Variants in ATP2B2 observed in about 807,000 individuals in gnomAD.
ATP2B2 encodes the protein plasma membrane calcium-transporting ATPase 2.
Under a neutral mutation model 120.0 loss-of-function variants are expected in ATP2B2, and 15 were observed. That is an observed-to-expected ratio of 0.12 (90% CI 0.08 to 0.19). The LOEUF (loss-of-function observed/expected upper bound fraction) is 0.19. Ranked by LOEUF, ATP2B2 falls within the 10% of genes least tolerant of loss-of-function variation. The pLI, the probability that ATP2B2 is intolerant of heterozygous loss-of-function variation, is 1.00. For synonymous variants in ATP2B2, 694 were observed against 700.3 expected, an observed-to-expected ratio of 0.99 and a Z score of 0.14; for missense variants, 1,045 against 1,719.8, an observed-to-expected ratio of 0.61 and a Z score of 6.94.
chr3:10,443,884 T>G (rs1038399623), intron 2 of ATP2B2, among the ~76,000 whole-genome samples: 1 of 152,166 alleles, frequency 6.6e-6, no homozygotes, highest in Non-Finnish European at 1.5e-5. Flanking sequence ...ACAGTTCTCA[T>G]TTCACAGATG....
chr3:10,550,870 A>C (rs2067653317), intron 2 of ATP2B2, among the ~76,000 whole-genome samples: 1 of 152,200 alleles, frequency 6.6e-6, no homozygotes, highest in Admixed American at 6.5e-5. Flanking sequence ...GCTGTTATGC[A>C]CGGTCGCCAA....
chr3:10,357,141 A>G (rs1371340299), intron 14 of ATP2B2, among the ~76,000 whole-genome samples: 1 of 152,172 alleles, frequency 6.6e-6, no homozygotes, highest in Non-Finnish European at 1.5e-5. Context: ...GGGTAATGAA[A>G]TCTACTGAAG....
At chr3:10,555,249 C>A (rs1008986270) in intron 2 of ATP2B2, among the ~76,000 whole-genome samples, 3 of 152,266 alleles carry the variant, frequency 2.0e-5, no homozygotes, top group Non-Finnish European at 4.4e-5. Context: ...TGTTTCACAG[C>A]AACTGGCTGT....
Position 10,692,417 on chromosome 3 carries a change from A to C in ATP2B2, c.-460+15498T>G, listed in dbSNP as rs2596848. ...AGACTTTTTCTGCAGCAGGGTAATAAATGTTCACAGGGACCCGACAGGAGA... is the reference window on the plus strand; with the variant it reads ...AGACTTTTTCTGCAGCAGGGTAATACATGTTCACAGGGACCCGACAGGAGA... On this transcript the variant is annotated intron_variant, in intron 1 of 21. Transcript: ENST00000646379. Among the ~76,000 whole-genome samples, 906 of 152,300 alleles carry C rather than the reference A, an allele frequency of 5.9e-3. 7 individuals are homozygous for C. The highest frequency in any genetic ancestry group is 0.021 in the African/African-American group (875 of 41,556).
At chr3:10,693,427 A>G (rs1444162218) in intron 1 of ATP2B2, among the ~76,000 whole-genome samples, 2 of 152,234 alleles carry the variant, frequency 1.3e-5, no homozygotes, top group Non-Finnish European at 2.9e-5. Context: ...ACTGCAAGGA[A>G]CAAAAAAGAC....
chr3:10,603,707 G>T (rs927330594), intron 2 of ATP2B2, among the ~76,000 whole-genome samples: 2 of 152,102 alleles, frequency 1.3e-5, no homozygotes, highest in African/African-American at 4.8e-5. Flanking sequence ...AGATCACGGG[G>T]GTAGGGCTAA....
In ATP2B2 at chr3:10,324,286, G is replaced by A. The variant is rs2059827426; in HGVS notation, c.*4528C>T. 1 of 152,050 alleles carries A rather than the reference G, an allele frequency of 6.6e-6. No individual in the cohort carries two copies. The highest frequency in any genetic ancestry group is 1.5e-5 in the Non-Finnish European group (1 of 68,024). The allele number at this position is 152,050 out of a possible 1,614,324, so 9.4% of individuals were successfully genotyped here. A position where few individuals can be genotyped will look rare whatever the true frequency, so the allele number is the denominator to read the frequency against. Reference sequence around the variant, plus strand: ...GTTAGCAAAGTGTGGTGACCCCCGAGAGGAAAGGTCCAGGAGGGAGAGCAC... The same window carrying A: ...GTTAGCAAAGTGTGGTGACCCCCGAAAGGAAAGGTCCAGGAGGGAGAGCAC... On this transcript the variant is annotated 3_prime_UTR_variant, in exon 23 of 23. Transcript: ENST00000360273.
At chr3:10,423,857 G>A (rs1033359435) in intron 2 of ATP2B2, among the ~76,000 whole-genome samples, 3 of 152,212 alleles carry the variant, frequency 2.0e-5, no homozygotes, top group African/African-American at 7.2e-5. Context: ...GGACAACCTA[G>A]CTTCGCCTGC....
intron 3 of ATP2B2, among the ~76,000 whole-genome samples, chr3:10,410,249 C>T (rs1008162769): frequency 6.6e-6 from 1 of 152,128 alleles, no homozygotes; most frequent in Non-Finnish European, 1.5e-5. Context: ...ACACCCATCA[C>T]CCAAGCAGTA....
intron 1 of ATP2B2, among the ~76,000 whole-genome samples, chr3:10,467,441 A>G (rs916293416): frequency 1.3e-5 from 2 of 152,064 alleles, no homozygotes; most frequent in Non-Finnish European, 2.9e-5. Flanking sequence ...TGATCCCTCC[A>G]TGGGGCTTGA....
intron 10 of ATP2B2, among the ~76,000 whole-genome samples, chr3:10,377,144 G>C (rs940550198): frequency 3.3e-5 from 5 of 152,168 alleles, no homozygotes; most frequent in African/African-American, 1.2e-4. Context: ...AAGGCCATGG[G>C]GTTGTTCTCA....
At chr3:10,666,053 G>A (rs780129503) in intron 1 of ATP2B2, among the ~76,000 whole-genome samples, 1 of 152,154 alleles carries the variant, frequency 6.6e-6, no homozygotes, top group Admixed American at 6.5e-5. Flanking sequence ...AGTCTGTGGC[G>A]CCACAGGGAC....
At chr3:10,437,223 C>T (rs1158547720) in intron 2 of ATP2B2, among the ~76,000 whole-genome samples, 2 of 148,108 alleles carry the variant, frequency 1.4e-5, no homozygotes, top group East Asian at 4.0e-4. Flanking sequence ...CTCTGGGCCT[C>T]AGCTTCTTAA....
At chr3:10,514,420 A>C (rs882527) in intron 3 of ATP2B2, among the ~76,000 whole-genome samples, 1 of 152,034 alleles carries the variant, frequency 6.6e-6, no homozygotes, top group African/African-American at 2.4e-5. Flanking sequence ...TATCTCCCAC[A>C]TACTCCCCAG....
chr3:10,416,172 A>G (rs2062774384), intron 2 of ATP2B2, among the ~76,000 whole-genome samples: 1 of 152,226 alleles, frequency 6.6e-6, no homozygotes, highest in African/African-American at 2.4e-5. Flanking sequence ...CCTACCATGT[A>G]TGTAAAAGAA....
chr3:10,433,515 C>T (rs185411695), intron 2 of ATP2B2, among the ~76,000 whole-genome samples: 3 of 152,278 alleles, frequency 2.0e-5, no homozygotes, highest in South Asian at 2.1e-4. Context: ...GTCACCCCCT[C>T]GCTGTGTGAC....
At chr3:10,421,773 C>A (rs1273509949) in intron 2 of ATP2B2, among the ~76,000 whole-genome samples, 1 of 152,204 alleles carries the variant, frequency 6.6e-6, no homozygotes, top group African/African-American at 2.4e-5. Context: ...TACCAAGCCA[C>A]GGGTCTGCAT....
chr3:10,643,558 A>G (rs2070234294), intron 1 of ATP2B2, among the ~76,000 whole-genome samples: 1 of 152,244 alleles, frequency 6.6e-6, no homozygotes, highest in Non-Finnish European at 1.5e-5. Context: ...GGCACATGGC[A>G]TCACATGCCT....
intron 2 of ATP2B2, among the ~76,000 whole-genome samples, chr3:10,422,872 C>T (rs1467636801): frequency 6.6e-6 from 1 of 152,222 alleles, no homozygotes; most frequent in African/African-American, 2.4e-5. Flanking sequence ...TGCCTTTTCT[C>T]CAAGTCAGGC....
Sources: allele counts gnomAD v4.1 joint callset (sites outside exome capture counted in the v4.1 genomes callset), GRCh38; gene constraint gnomAD v4.1.1; transcripts MANE v1.5; gene names NCBI Gene and HGNC (gene_info 2026-07-23, HGNC 2026-07-21).